The following CBARP variants were observed in gnomAD, a reference collection of about 807,000 sequenced individuals.
CBARP encodes voltage-dependent calcium channel beta subunit-associated regulatory protein.
CBARP carries 24 observed loss-of-function variants against 36.3 expected under a neutral mutation model. That is an observed-to-expected ratio of 0.66 (90% CI 0.48 to 0.93). CBARP has a LOEUF of 0.93. CBARP is among the 40% of genes least tolerant of loss of function. CBARP has a pLI of 0.00. For missense variants in CBARP, 1,146 were observed against 980.4 expected (o/e 1.17, Z -2.26); for synonymous variants, 586 against 453.2 (o/e 1.29, Z -3.72).
In CBARP at chr19:1,228,316, A is replaced by G. The variant is rs1599934925; in HGVS notation, c.*863T>C. ...CGGTCAATATTTATATCATCCAGAA[A>G]AGAAAAACACGAGAAACGCCATCGC... On this transcript the variant is annotated 3_prime_UTR_variant, in exon 10 of 10. Coordinates refer to ENST00000650044, the MANE Select transcript of CBARP (RefSeq NM_001393918.1). 7.6e-6 allele frequency: 2 copies of G among 262,486 alleles called. No individual in the cohort carries two copies. Among genetic ancestry groups the G allele is most frequent in the Non-Finnish European group, 1.4e-5 (2 of 145,216 alleles). 16.3% of individuals were successfully genotyped at this position (262,486 alleles called of 1,614,324 possible).
Position 1,234,179 on chromosome 19 carries a change from AG to A in CBARP, c.768+11del. ...GCTGTGGACACCATGGGGGACACGC[AG>A]GGGCCCTCACCGAGGTGCCTTCCCC... On this transcript the variant is annotated intron_variant, in intron 7 of 9. Coordinates refer to ENST00000650044, the MANE Select transcript of CBARP (RefSeq NM_001393918.1). The A allele has an allele frequency of 6.6e-7, 1 of 1,508,864 alleles. No homozygotes were observed. The highest frequency in any genetic ancestry group is 8.8e-7 in the Non-Finnish European group (1 of 1,133,164). 93.5% of individuals were successfully genotyped at this position (1,508,864 alleles called of 1,614,324 possible).
chr19:1,237,311 G>T (rs776464547), intron 1 of CBARP, among the ~76,000 whole-genome samples: 41 of 152,316 alleles, frequency 2.7e-4, no homozygotes, highest in Middle Eastern at 3.4e-3. Flanking sequence ...GTCGGGAAAT[G>T]AGTTCAGGCT....
Position 1,228,830 on chromosome 19 carries a change from G to A in CBARP, c.*349C>T, listed in dbSNP as rs2080851299. ...GGCCCTGCGACTAAGCGGCCGCCCC[G>A]TCCGGGACTGAGGGCGAGTGATCGT... On this transcript the variant is annotated 3_prime_UTR_variant, in exon 10 of 10. Coordinates refer to ENST00000650044, the MANE Select transcript of CBARP (RefSeq NM_001393918.1). The A allele has an allele frequency of 6.8e-6, 1 of 147,496 alleles. No individual in the cohort carries two copies. The highest frequency in any genetic ancestry group is 2.4e-5 in the African/African-American group (1 of 41,010). The allele number at this position is 147,496 out of a possible 1,614,324, so 9.1% of individuals were successfully genotyped here.
Position 1,230,071 on chromosome 19 carries a change from C to T in CBARP, c.1226G>A (p.Gly409Glu), listed in dbSNP as rs984847691. 4 of 1,129,578 alleles carry T rather than the reference C, an allele frequency of 3.5e-6. No homozygotes were observed. The highest frequency in any genetic ancestry group is 1.7e-5 in the African/African-American group (1 of 58,428). The allele number at this position is 1,129,578 out of a possible 1,614,324, so 70.0% of individuals were successfully genotyped here. ...SPPERGAGSA[G>E]PEQQQPPLEP... ...CAGTGGCGGCTGCTGCTGCTCAGGC[C>T]CCGCGCTGCCCGCGCCGCGCTCCGG... The change falls in exon 10 of 10, where the codon GGG becomes GAG. Residue 409 changes from glycine (G) to glutamate (E), a missense_variant. Coordinates refer to ENST00000650044, the MANE Select transcript of CBARP (RefSeq NM_001393918.1).
chr19:1,233,314 C>T, intron 8 of CBARP, 112 bp downstream of exon 8: 2 of 1,105,022 alleles, frequency 1.8e-6, no homozygotes, highest in South Asian at 1.6e-5. Context: ...AGCCCCAGAG[C>T]ACCGGCTCCC....
At chr19:1,230,929 T>A (rs1192963338) in intron 9 of CBARP, 172 bp downstream of exon 9, 2 of 1,582,760 alleles carry the variant, frequency 1.3e-6, no homozygotes, top group East Asian at 4.5e-5. Flanking sequence ...CTCTGGTCCA[T>A]GCTGGAGAGG....
At chr19:1,234,385 G>C in intron 6 of CBARP, 54 bp from the exon 7 acceptor site, 1 of 1,437,592 alleles carries the variant, frequency 7.0e-7, no homozygotes, top group Non-Finnish European at 9.1e-7. Context: ...AAGAGCATGG[G>C]TGGGTGAGGG....
intron 1 of CBARP, among the ~76,000 whole-genome samples, 179 bp from the exon 2 acceptor site, chr19:1,236,300 G>A (rs1257387301): frequency 2.0e-5 from 3 of 152,202 alleles, no homozygotes; most frequent in African/African-American, 7.2e-5. Context: ...CGGGCCCCGG[G>A]GGCTCTCTCT....
At chr19:1,236,866 G>C (rs1217825439) in intron 1 of CBARP, among the ~76,000 whole-genome samples, 1 of 115,932 alleles carries the variant, frequency 8.6e-6, no homozygotes, top group Non-Finnish European at 1.8e-5. Context: ...GGGGGCGGCG[G>C]CCTCGGGGGG....
chr19:1,236,696 C>T (rs1448735149), intron 1 of CBARP, among the ~76,000 whole-genome samples: 2 of 151,920 alleles, frequency 1.3e-5, no homozygotes, highest in Non-Finnish European at 2.9e-5. Context: ...GGAGGTCTCC[C>T]CGGTGCTGAG....
At chr19:1,231,349 T>C in intron 8 of CBARP, 74 bp from the exon 9 acceptor site, 4 of 1,316,866 alleles carry the variant, frequency 3.0e-6, no homozygotes, top group South Asian at 1.3e-5. Flanking sequence ...AGAATGCCTA[T>C]GCCCCCCCGC....
At position 1,236,058 on chromosome 19, in the gene CBARP, T is replaced by G; in HGVS notation, c.43A>C (p.Thr15Pro). 1.3e-6 allele frequency: 2 copies of G among 1,518,976 alleles called. No individual in the cohort carries two copies. The highest frequency in any genetic ancestry group is 8.8e-7 in the Non-Finnish European group (1 of 1,137,066). The allele number at this position is 1,518,976 out of a possible 1,614,324, so 94.1% of individuals were successfully genotyped here. Residue 15 changes from threonine to proline, a missense_variant, in exon 2 of 10, where the codon ACC (threonine) becomes CCC (proline). Transcript: ENST00000650044. ...AGGGCTACTGTGGCAGTGGTGGTGG[T>G]GGTGGTGGTGGCGGCTGTGGCCATG... is the stretch of plus-strand genomic sequence containing the variant. ...ATMATAATTT[T>P]TTTATVALTT... is the part of the protein sequence containing the mutation.
At chr19:1,232,500 C>T (rs1056175416) in intron 8 of CBARP, among the ~76,000 whole-genome samples, 17 of 152,170 alleles carry the variant, frequency 1.1e-4, no homozygotes, top group Non-Finnish European at 2.4e-4. Context: ...CCCCTCTGGG[C>T]TGCCCTGGCC....
chr19:1,229,721 G>A lies in CBARP; in HGVS notation c.1576C>T (p.Pro526Ser). The stretch of plus-strand genomic sequence containing the variant: ...CGGGGCCAGGCGCGCGGGCTGCGGG[G>A]CCGGGCGGGCGCGGCAGGTGGCTCG... Reference protein sequence around the residue: ...DTEPPAAPARPRSPRAWPRRP... With the variant: ...DTEPPAAPARSRSPRAWPRRP... Residue 526 changes from proline (P) to serine (S), a missense_variant, in exon 10 of 10, where the codon CCC (proline) becomes TCC (serine). By Grantham distance (74) the Pro-to-Ser change is moderately conservative (BLOSUM62 -1). Coordinates refer to ENST00000650044, the MANE Select transcript of CBARP (RefSeq NM_001393918.1). This position sits in a 1 kb window ranked among gnomAD's most constrained non-coding sequence, Gnocchi z 5.1. The A allele has an allele frequency of 3.0e-6, 3 of 984,900 alleles. No homozygotes were observed. Among genetic ancestry groups the A allele is most frequent in the Non-Finnish European group, 3.6e-6 (3 of 830,136 alleles). 61.0% of individuals were successfully genotyped at this position (984,900 alleles called of 1,614,324 possible).
chr19:1,229,918 C>T lies in CBARP; in HGVS notation c.1379G>A (p.Arg460His). Residue 460 changes from arginine to histidine, a missense_variant, in exon 10 of 10, where the codon CGC becomes CAC. Arg to His is a conservative substitution (Grantham distance 29, BLOSUM62 0). Transcript: ENST00000650044. The surrounding 1 kb of genome is among the most constrained non-coding windows in gnomAD (Gnocchi z 5.1). ...ASDHSSSGND[R>H]DSVRSGDSSG... ...GCTGTCGCCGCTGCGCACCGAGTCG[C>T]GGTCGTTGCCGCTGCTGCTGTGGTC... 3 of 1,142,292 alleles carry T rather than the reference C, an allele frequency of 2.6e-6. No individual in the cohort carries two copies. Among genetic ancestry groups the T allele is most frequent in the Non-Finnish European group, 3.3e-6 (3 of 909,084 alleles). 70.8% of individuals were successfully genotyped at this position (1,142,292 alleles called of 1,614,324 possible).
Position 1,231,086 on chromosome 19 carries a change from T to C in CBARP, c.1154+15A>G. 6.3e-7 allele frequency: 1 copy of C among 1,593,024 alleles called. No homozygotes were observed. Among genetic ancestry groups the C allele is most frequent in the Admixed American group, 1.7e-5 (1 of 58,750 alleles). ...CACAGGTCCACCCCTAGCACCTCCA[T>C]CTACTGAAAAATACCTGCCGAGAGC... On this transcript the variant is annotated intron_variant, in intron 9 of 9. Transcript: ENST00000650044.
intron 6 of CBARP, 27 bp from the exon 7 acceptor site, chr19:1,234,358 G>A: frequency 6.9e-7 from 1 of 1,439,360 alleles, no homozygotes. Context: ...GGTGGGGGAG[G>A]AAGCAGTGAC....
At chr19:1,230,677 G>T in intron 9 of CBARP, 1 of 1,280,322 alleles carries the variant, frequency 7.8e-7, no homozygotes, top group Non-Finnish European at 9.9e-7. Flanking sequence ...TGGGCTTCAG[G>T]GAAGTTGCCC....
At chr19:1,235,177 G>A (rs770294432) in intron 4 of CBARP, 32 bp from the exon 5 acceptor site, 42 of 1,512,488 alleles carry the variant, frequency 2.8e-5, no homozygotes, top group South Asian at 2.2e-4. Flanking sequence ...GGTGGGCCCC[G>A]GGCGGGCCAC....
Sources: allele counts gnomAD v4.1 joint callset (sites outside exome capture counted in the v4.1 genomes callset), GRCh38; gene constraint gnomAD v4.1.1; non-coding constraint Gnocchi (gnomAD v3.1); transcripts MANE v1.5; gene names NCBI Gene and HGNC (gene_info 2026-07-23, HGNC 2026-07-21).